The following AFF1 variants were observed in gnomAD, a reference collection of about 807,000 sequenced individuals.
The protein encoded by AFF1 is AF4/FMR2 family member 1.
A neutral mutation model predicts 121.7 loss-of-function variants in AFF1; 48 were observed. The ratio of observed to expected loss-of-function variants is 0.39; its 90% CI spans 0.31 to 0.50. The LOEUF (loss-of-function observed/expected upper bound fraction) is 0.50, where lower values mean the gene tolerates loss of function less well. AFF1 is among the 20% of genes least tolerant of loss of function. The probability of loss-of-function intolerance (pLI) is 0.76; values close to 1 mark genes in which losing one functional copy is unlikely to be tolerated. For synonymous variants in AFF1, 613 were observed against 563.0 expected (o/e 1.09, Z -1.26); for missense variants, 1,523 against 1,511.7 (o/e 1.01, Z -0.12).
chr4:87,025,922 TC>T (rs1230273325), intron 2 of AFF1, among the ~76,000 whole-genome samples: 1 of 152,170 alleles, frequency 6.6e-6, no homozygotes, highest in Non-Finnish European at 1.5e-5. Context: ...TGCAAGACAC[TC>T]CTGGGTGCTC....
intron 1 of AFF1, among the ~76,000 whole-genome samples, chr4:86,937,772 T>G (rs1720133285): frequency 4.1e-5 from 1 of 24,124 alleles, no homozygotes; most frequent in African/African-American, 1.2e-4. Flanking sequence ...TTGGTAGAGA[T>G]GGCTTGGGGT....
At chr4:87,002,977 G>A (rs1440598323) in intron 2 of AFF1, among the ~76,000 whole-genome samples, 1 of 152,166 alleles carries the variant, frequency 6.6e-6, no homozygotes, top group Non-Finnish European at 1.5e-5. Context: ...GAAGATGGTG[G>A]GTTGGATACA....
chr4:86,979,480 C>A (rs932866113), intron 2 of AFF1, among the ~76,000 whole-genome samples: 1 of 152,114 alleles, frequency 6.6e-6, no homozygotes, highest in Non-Finnish European at 1.5e-5. Flanking sequence ...TGAACTGATA[C>A]GAATAAAACC....
At chr4:87,118,105 G>T (rs550668561) in intron 12 of AFF1, among the ~76,000 whole-genome samples, 2 of 152,224 alleles carry the variant, frequency 1.3e-5, no homozygotes, top group Non-Finnish European at 2.9e-5. Flanking sequence ...CTTCACATTA[G>T]TGGTATTTAG....
intron 2 of AFF1, among the ~76,000 whole-genome samples, chr4:87,020,227 C>T (rs1727759212): frequency 6.6e-6 from 1 of 152,190 alleles, no homozygotes; most frequent in African/African-American, 2.4e-5. Flanking sequence ...TACTTCTCTT[C>T]ACAGTTATTT....
chr4:87,030,648 G>A (rs2149581888), intron 2 of AFF1, among the ~76,000 whole-genome samples: 1 of 99,410 alleles, frequency 1.0e-5, no homozygotes. Context: ...AACTTACACT[G>A]AGCTTTTTTT....
chr4:86,961,375 A>G (rs528822358), intron 2 of AFF1, among the ~76,000 whole-genome samples: 48 of 152,206 alleles, frequency 3.2e-4, no homozygotes, highest in African/African-American at 8.7e-4. Flanking sequence ...AGCTGGTGGC[A>G]GGGATATACT....
rs1560657539 is a variant in AFF1 at position 87,127,170 on chromosome 4, C to CA, written c.2903+53_2903+54insA. 3.4e-5 allele frequency: 44 copies of CA among 1,293,506 alleles called. 2 individuals carry two copies. The highest frequency in any genetic ancestry group is 4.0e-4 in the Middle Eastern group (2 of 5,024). 80.1% of individuals were successfully genotyped at this position (1,293,506 alleles called of 1,614,324 possible). On this transcript the variant is annotated intron_variant, in intron 15 of 20. Coordinates refer to ENST00000395146, the MANE Select transcript of AFF1 (RefSeq NM_001166693.3). ...TCTGTTTTGTTTTGTTTTGCTTCCCCCCCCCACCAAGATAGAGTCTCACTC... is the reference window on the plus strand; with the variant it reads ...TCTGTTTTGTTTTGTTTTGCTTCCCCACCCCCACCAAGATAGAGTCTCACTC...
chr4:87,110,129 G>T (rs371909886), intron 11 of AFF1, among the ~76,000 whole-genome samples: 1 of 151,844 alleles, frequency 6.6e-6, no homozygotes, highest in Non-Finnish European at 1.5e-5. Context: ...AATCAGTACT[G>T]TAAATTATGG....
At chr4:87,007,112 G>T in intron 2 of AFF1, 2 of 1,263,610 alleles carry the variant, frequency 1.6e-6, no homozygotes, top group Non-Finnish European at 1.0e-6. Context: ...CGCCGGGGGC[G>T]CTCGCTTGCC....
At chr4:87,032,828 A>G (rs1466465656) in intron 2 of AFF1, among the ~76,000 whole-genome samples, 2 of 152,082 alleles carry the variant, frequency 1.3e-5, no homozygotes, top group African/African-American at 2.4e-5. Flanking sequence ...AAATGTGTTG[A>G]TGGGTTCCTG....
At chr4:87,017,101 G>GTTTT (rs66466780) in intron 2 of AFF1, among the ~76,000 whole-genome samples, 3 of 106,352 alleles carry the variant, frequency 2.8e-5, no homozygotes, top group Non-Finnish European at 3.9e-5. Context: ...ATATATATGT[G>GTTTT]TTTTTTTTTT....
intron 15 of AFF1, 104 bp from the exon 16 acceptor site, chr4:87,127,539 T>G: frequency 9.9e-7 from 1 of 1,007,816 alleles, no homozygotes; most frequent in Non-Finnish European, 1.5e-6. Context: ...CCCTCTCTCC[T>G]CCCCTTGCTG....
At chr4:87,113,510 A>G (rs939230592) in intron 11 of AFF1, among the ~76,000 whole-genome samples, 2 of 152,140 alleles carry the variant, frequency 1.3e-5, no homozygotes, top group African/African-American at 4.8e-5. Context: ...GGCTTAAACA[A>G]TTCTCCTGTC....
chr4:86,948,860 A>T (rs895958103), intron 2 of AFF1, among the ~76,000 whole-genome samples: 2 of 152,266 alleles, frequency 1.3e-5, no homozygotes, highest in South Asian at 4.1e-4. Context: ...GGATAACAAG[A>T]TTGCACTGAT....
intron 4 of AFF1, among the ~76,000 whole-genome samples, chr4:87,048,867 C>T (rs1363963069): frequency 6.6e-6 from 1 of 152,040 alleles, no homozygotes; most frequent in Non-Finnish European, 1.5e-5. Context: ...ATCTCTGATC[C>T]TAACTTAAGA....
chr4:86,940,515 C>T (rs1332592072), intron 1 of AFF1, among the ~76,000 whole-genome samples: 1 of 152,174 alleles, frequency 6.6e-6, no homozygotes, highest in Non-Finnish European at 1.5e-5. Context: ...AGTTCTGCCT[C>T]AGCCACTCGA....
At position 87,139,490 on chromosome 4, in the gene AFF1, G is replaced by A. The variant is rs1729551671; in HGVS notation, c.*3789G>A. On this transcript the variant is annotated 3_prime_UTR_variant, in exon 21 of 21. Transcript: ENST00000395146. ...TTACACTCTTTGCCACTGATTAGCAGTATTTAAATCTTGCAAGAATATTTT... is the reference window on the plus strand; with the variant it reads ...TTACACTCTTTGCCACTGATTAGCAATATTTAAATCTTGCAAGAATATTTT... 8.6e-6 allele frequency: 2 copies of A among 231,758 alleles called. No homozygotes were observed. The highest frequency in any genetic ancestry group is 4.4e-5 in the African/African-American group (2 of 45,218). The allele number at this position is 231,758 out of a possible 1,614,324, so 14.4% of individuals were successfully genotyped here. A position where few individuals can be genotyped will look rare whatever the true frequency, so the allele number is the denominator to read the frequency against.
chr4:87,127,613 G>GA, intron 15 of AFF1, 30 bp from the exon 16 acceptor site: 1 of 1,613,448 alleles, frequency 6.2e-7, no homozygotes, highest in Non-Finnish European at 8.5e-7. Flanking sequence ...TGGCTCATAT[G>GA]ACCTGTCCCT....
Sources: allele counts gnomAD v4.1 joint callset (sites outside exome capture counted in the v4.1 genomes callset), GRCh38; gene constraint gnomAD v4.1.1; transcripts MANE v1.5; gene names NCBI Gene and HGNC (gene_info 2026-07-23, HGNC 2026-07-21).